FANCD2OS: variants seen among roughly 807,000 people sequenced by gnomAD.
FANCD2OS encodes the protein FANCD2 opposite strand.
A neutral mutation model predicts 13.2 loss-of-function variants in FANCD2OS; 11 were observed. That is an observed-to-expected ratio of 0.83 (90% CI 0.52 to 1.38). The LOEUF is 1.38. Among genes scored for constraint, FANCD2OS ranks in the 40% most tolerant of loss-of-function variants. The pLI, the probability that FANCD2OS is intolerant of heterozygous loss-of-function variation, is 0.00. For missense variants in FANCD2OS, 217 were observed against 213.9 expected, an observed-to-expected ratio of 1.01 and a Z score of -0.09; for synonymous variants, 69 against 84.5, an observed-to-expected ratio of 0.82 and a Z score of 1.01.
At chr3:10,102,505 T>C (rs751056671), downstream of FANCD2OS, among the ~76,000 whole-genome samples, 45 of 152,040 alleles carry the variant, frequency 3.0e-4, no homozygotes, top group Non-Finnish European at 4.4e-5. Context: ...GCTTTTAAAA[T>C]TTTTTTGATT....
intron 2 of FANCD2OS, among the ~76,000 whole-genome samples, chr3:10,086,868 G>T (rs537538955): frequency 2.0e-5 from 3 of 152,148 alleles, no homozygotes; most frequent in Non-Finnish European, 4.4e-5. Flanking sequence ...TATTAGCGTG[G>T]TGCTTGGGTT....
chr3:10,093,699 A>G (rs1353590173), intron 2 of FANCD2OS, among the ~76,000 whole-genome samples: 2 of 152,156 alleles, frequency 1.3e-5, no homozygotes, highest in Non-Finnish European at 2.9e-5. Context: ...TATCCTGATA[A>G]TTGCCAAACT....
intron 2 of FANCD2OS, chr3:10,088,325 C>T (rs1471065962): frequency 1.7e-5 from 13 of 748,974 alleles, no homozygotes; most frequent in South Asian, 7.1e-5. Flanking sequence ...CCTGTTAGAC[C>T]GGGAACGTCT....
downstream of FANCD2OS, chr3:10,103,887 TCTC>T (rs1041090753): frequency 9.7e-6 from 2 of 207,114 alleles, no homozygotes; most frequent in Non-Finnish European, 1.9e-5. Flanking sequence ...CATACATCTT[TCTC>T]CTCTACACCC....
downstream of FANCD2OS, chr3:10,099,753 G>A (rs752236696): frequency 2.0e-5 from 3 of 152,182 alleles, no homozygotes; most frequent in African/African-American, 4.8e-5. Flanking sequence ...GTGAGACTCC[G>A]TCTCAACAAC....
At chr3:10,086,060 A>G (rs1694180515) in intron 2 of FANCD2OS, 1 of 693,966 alleles carries the variant, frequency 1.4e-6, no homozygotes, top group Non-Finnish European at 2.7e-6. Flanking sequence ...CTCATATATG[A>G]GCTTTCTCAT....
At chr3:10,105,777 TATATATATA>T (rs1695475043) in intron 1 of FANCD2OS, among the ~76,000 whole-genome samples, 1 of 18,154 alleles carries the variant, frequency 5.5e-5, no homozygotes, top group African/African-American at 4.4e-4. Context: ...AAAAATTATA[TATATATATA>T]TATATATATA....
chr3:10,087,281 CTTTT>C (rs371321981), intron 2 of FANCD2OS: 1,413 of 1,306,860 alleles, frequency 1.1e-3, no homozygotes, highest in East Asian at 2.1e-3. Context: ...GGCCTAGATC[CTTTT>C]TTTTTTTTTT....
chr3:10,088,151 C>A (rs9856270), intron 2 of FANCD2OS, among the ~76,000 whole-genome samples: 1 of 152,106 alleles, frequency 6.6e-6, no homozygotes, highest in African/African-American at 2.4e-5. Context: ...TTCCCACTGC[C>A]CAGCAGCATT....
chr3:10,086,692 G>A (rs1269588469), intron 2 of FANCD2OS, among the ~76,000 whole-genome samples: 1 of 152,054 alleles, frequency 6.6e-6, no homozygotes, highest in Non-Finnish European at 1.5e-5. Flanking sequence ...TGGCCAGGCT[G>A]GTCTCTAATT....
rs1228725395 is a variant in FANCD2OS at position 10,105,765 on chromosome 3, AAAAAAATTATATATATATAT to A, written c.-8-1003_-8-984del. On this transcript the variant is annotated intron_variant, in intron 1 of 1. Transcript: ENST00000450660. ...GACTCCATCTAAAAAAAAAAAAAAA[AAAAAAATTATATATATATAT>A]ATATATATATATATATATATATATA... Among the ~76,000 whole-genome samples, 60 of 62,664 alleles carry A rather than the reference AAAAAAATTATATATATATAT, an allele frequency of 9.6e-4. 2 individuals carry two copies. The highest frequency in any genetic ancestry group is 6.3e-3 in the African/African-American group (60 of 9,540). 41.1% of individuals were successfully genotyped at this position (62,664 alleles called of 152,430 possible). A position where few individuals can be genotyped will look rare whatever the true frequency, so the allele number is the denominator to read the frequency against.
chr3:10,095,361 C>G, intron 2 of FANCD2OS: 16 of 1,056,952 alleles, frequency 1.5e-5, no homozygotes, highest in Non-Finnish European at 2.3e-5. Context: ...TACCATCCTT[C>G]TTCCTTTATA....
chr3:10,104,047 C>A lies in FANCD2OS; in HGVS notation c.*194G>T. 3.5e-6 allele frequency: 2 copies of A among 574,336 alleles called. No individual in the cohort carries two copies. Among genetic ancestry groups the A allele is most frequent in the South Asian group, 2.4e-5 (1 of 41,116 alleles). 35.6% of individuals were successfully genotyped at this position (574,336 alleles called of 1,614,324 possible). A position where few individuals can be genotyped will look rare whatever the true frequency, so the allele number is the denominator to read the frequency against. On this transcript the variant is annotated 3_prime_UTR_variant, in exon 2 of 2. Transcript: ENST00000450660. ...GGTTCAACCTTACAATGGGAATGTT[C>A]TTCCTTGTTCTCTATCATTGGTCCT...
At chr3:10,084,720 A>G (rs1481264856) in intron 2 of FANCD2OS, among the ~76,000 whole-genome samples, 1 of 152,246 alleles carries the variant, frequency 6.6e-6, no homozygotes, top group Non-Finnish European at 1.5e-5. Flanking sequence ...GAAAGGAAGA[A>G]TGACTATCAC....
At chr3:10,101,093 T>A, downstream of FANCD2OS, 1 of 950,692 alleles carries the variant, frequency 1.1e-6, no homozygotes, top group South Asian at 1.3e-5. Context: ...TTAACAGTGA[T>A]AATAGTACAG....
chr3:10,100,461 T>C (rs1259349732), downstream of FANCD2OS, among the ~76,000 whole-genome samples: 1 of 152,148 alleles, frequency 6.6e-6, no homozygotes, highest in Non-Finnish European at 1.5e-5. Flanking sequence ...GCAGTCTGTC[T>C]CCCGAGTTCA....
At chr3:10,092,301 C>T (rs561205028) in intron 2 of FANCD2OS, 59 of 1,416,608 alleles carry the variant, frequency 4.2e-5, no homozygotes, top group Non-Finnish European at 5.8e-5. Flanking sequence ...CTGCAGAAAC[C>T]AAGTGTCCTG....
At chr3:10,088,644 A>G in intron 2 of FANCD2OS, 1 of 1,098,976 alleles carries the variant, frequency 9.1e-7, no homozygotes, top group Non-Finnish European at 1.4e-6. Context: ...TGGGAATTTG[A>G]AAACAATGAA....
chr3:10,084,879 T>C (rs1694085870), intron 2 of FANCD2OS, among the ~76,000 whole-genome samples: 1 of 152,046 alleles, frequency 6.6e-6, no homozygotes, highest in Non-Finnish European at 1.5e-5. Context: ...AAAGCAGTGG[T>C]TTAAGAAAAC....
Sources: gnomAD v4.1 joint callset for allele counts (sites outside exome capture counted in the v4.1 genomes callset) on GRCh38, gnomAD v4.1.1 for gene constraint, MANE v1.5 for transcripts, NCBI Gene and HGNC (gene_info 2026-07-23, HGNC 2026-07-21) for gene names.